Variants in GLYAT observed in about 807,000 individuals in gnomAD.
GLYAT encodes the protein glycine-N-acyltransferase.
In GLYAT, 25 loss-of-function variants were observed where a neutral mutation model predicts 22.8. The observed-to-expected ratio is 1.09, with a 90% confidence interval of 0.80 to 1.53. The LOEUF (loss-of-function observed/expected upper bound fraction) is 1.53. Among genes scored for constraint, GLYAT ranks in the 40% most tolerant of loss-of-function variants. The pLI is 0.00. For missense variants in GLYAT, 411 were observed against 353.9 expected, an observed-to-expected ratio of 1.16 and a Z score of -1.29; for synonymous variants, 140 against 122.7, an observed-to-expected ratio of 1.14 and a Z score of -0.93.
rs751815955 is a variant in GLYAT at position 58,724,487 on chromosome 11, G to T, written c.10C>A (p.Pro4Thr). Residue 4 changes from proline to threonine, a missense_variant, in exon 2 of 6, where the codon CCA becomes ACA. Physicochemically the swap from Pro to Thr is conservative, Grantham distance 38 (BLOSUM62 -1). Coordinates refer to ENST00000344743, the MANE Select transcript of GLYAT (RefSeq NM_201648.3). ...TGCAGCATCTGGGCACCTTGCAATG[G>T]TAACATCATGGAGGATACCTTAGCC... Reference protein sequence around the residue: MMLPLQGAQMLQML... With the variant: MMLTLQGAQMLQML... 8.1e-6 allele frequency: 13 copies of T among 1,600,442 alleles called. No individual in the cohort carries two copies. In the South Asian group the frequency reaches 1.4e-4, roughly 18 times the overall value.
At chr11:58,727,454 C>T (rs1240045098) in intron 1 of GLYAT, among the ~76,000 whole-genome samples, 2 of 152,138 alleles carry the variant, frequency 1.3e-5, no homozygotes, top group African/African-American at 4.8e-5. Flanking sequence ...CAGGGTGCAG[C>T]TTCTTGTGAA....
chr11:58,728,880 A>C (rs1373650869), intron 1 of GLYAT, among the ~76,000 whole-genome samples: 1 of 123,734 alleles, frequency 8.1e-6, no homozygotes, highest in Non-Finnish European at 1.7e-5. Flanking sequence ...GAAAGAAAGA[A>C]AGAAAGAAAG....
rs573953220 is a variant in GLYAT at position 58,710,342 on chromosome 11, G to A, written c.489-174C>T. ...AGAGTGAAGGTCAGAGCTGTTGGAG[G>A]AAGAAAGCAGGAAGGGCAATAAAGG... On this transcript the variant is annotated intron_variant, in intron 5 of 5. Coordinates refer to ENST00000344743, the MANE Select transcript of GLYAT (RefSeq NM_201648.3). 58 of 1,134,674 alleles carry A rather than the reference G, an allele frequency of 5.1e-5. No individual in the cohort carries two copies. The South Asian group carries it at 9.7e-4, about 19-fold the overall frequency. The allele number at this position is 1,134,674 out of a possible 1,614,324, so 70.3% of individuals were successfully genotyped here.
intron 4 of GLYAT, among the ~76,000 whole-genome samples, chr11:58,712,283 G>A (rs901678987): frequency 2.0e-5 from 3 of 152,024 alleles, no homozygotes; most frequent in Non-Finnish European, 2.9e-5. Flanking sequence ...TATATATGAG[G>A]AACATAATCT....
intron 1 of GLYAT, among the ~76,000 whole-genome samples, chr11:58,727,662 G>A (rs1404756180): frequency 1.3e-5 from 2 of 152,168 alleles, no homozygotes; most frequent in Non-Finnish European, 2.9e-5. Flanking sequence ...CCTAAAACTG[G>A]TGATCAGCAG....
chr11:58,711,589 G>C (rs1856617386), intron 4 of GLYAT, among the ~76,000 whole-genome samples: 1 of 152,122 alleles, frequency 6.6e-6, no homozygotes, highest in Non-Finnish European at 1.5e-5. Flanking sequence ...TATCTGCACT[G>C]GAACCAAGTT....
rs925292482 is a variant in GLYAT, at chr11:58,708,846, A to G, written c.*920T>C. The G allele has an allele frequency of 4.6e-5, 7 of 152,308 alleles. No homozygotes were observed. The highest frequency in any genetic ancestry group is 1.9e-4 in the East Asian group (1 of 5,178). 9.4% of individuals were successfully genotyped at this position (152,308 alleles called of 1,614,324 possible). On this transcript the variant is annotated 3_prime_UTR_variant, in exon 6 of 6. Coordinates refer to ENST00000344743, the MANE Select transcript of GLYAT (RefSeq NM_201648.3). ...ATTTATGAATTACCCAGTCTCAGGT[A>G]TTTTGTTACAGCAGGAACAAACTGA...
At chr11:58,728,221 C>A (rs986598268) in intron 1 of GLYAT, among the ~76,000 whole-genome samples, 2 of 151,968 alleles carry the variant, frequency 1.3e-5, no homozygotes, top group Non-Finnish European at 2.9e-5. Context: ...CAACACCACA[C>A]CCAAGTAATT....
At chr11:58,715,910 G>A (rs916010567) in intron 2 of GLYAT, among the ~76,000 whole-genome samples, 1 of 152,072 alleles carries the variant, frequency 6.6e-6, no homozygotes, top group African/African-American at 2.4e-5. Context: ...CTTTGCATGG[G>A]TACCTACCAT....
chr11:58,725,216 G>A (rs1399622633), intron 1 of GLYAT, among the ~76,000 whole-genome samples: 2 of 152,132 alleles, frequency 1.3e-5, no homozygotes, highest in African/African-American at 4.8e-5. Context: ...ACACTTTGAG[G>A]CTAATTCCAT....
chr11:58,731,493 C>A (rs942207030), intron 1 of GLYAT, among the ~76,000 whole-genome samples: 3 of 152,026 alleles, frequency 2.0e-5, no homozygotes, highest in Non-Finnish European at 4.4e-5. Context: ...TAACACAATA[C>A]GGGCACTTTA....
intron 1 of GLYAT, among the ~76,000 whole-genome samples, chr11:58,725,635 A>G (rs759263384): frequency 2.0e-5 from 3 of 152,176 alleles, no homozygotes; most frequent in Non-Finnish European, 4.4e-5. Context: ...AGAAGGAGAG[A>G]CCAAGGCAAG....
intron 1 of GLYAT, among the ~76,000 whole-genome samples, chr11:58,727,142 A>G (rs1856819434): frequency 6.6e-6 from 1 of 152,194 alleles, no homozygotes. Context: ...AAGCACTGGC[A>G]GAGCTGGGGT....
At chr11:58,726,977 C>G (rs1856817173) in intron 1 of GLYAT, among the ~76,000 whole-genome samples, 1 of 151,882 alleles carries the variant, frequency 6.6e-6, no homozygotes, top group South Asian at 2.1e-4. Context: ...TTCCCCTCCC[C>G]TTAAGAAGTG....
rs145083101 is a variant in GLYAT at position 58,722,058 on chromosome 11, C to G, written c.81+2358G>C. Reference sequence around the variant, plus strand: ...GAGGTTCCTCTTCAAAGAGACCTTCCTCCCCATCTAATTAGGAATAAATAA... The same window carrying G: ...GAGGTTCCTCTTCAAAGAGACCTTCGTCCCCATCTAATTAGGAATAAATAA... On this transcript the variant is annotated intron_variant, in intron 2 of 5. Transcript: ENST00000344743. Among the ~76,000 whole-genome samples, 369 of 152,124 alleles carry G rather than the reference C, an allele frequency of 2.4e-3. 7 individuals are homozygous for G. In the East Asian group the frequency reaches 0.035, roughly 15 times the overall value.
Position 58,715,330 on chromosome 11 carries a change from A to G in GLYAT, c.175T>C (p.Cys59Arg). 1 of 1,516,848 alleles carries G rather than the reference A, an allele frequency of 6.6e-7. No homozygotes were observed. Among genetic ancestry groups the G allele is most frequent in the South Asian group, 1.1e-5 (1 of 88,994 alleles). The allele number at this position is 1,516,848 out of a possible 1,614,324, so 94.0% of individuals were successfully genotyped here. ...KWPDFNTVVV[C>R]PQEQDMTDDL... ...TGGAAACTTACCTGCTCCTGAGGGCAGACAACCACTGTATTAAAATCAGGC... is the reference window on the plus strand; with the variant it reads ...TGGAAACTTACCTGCTCCTGAGGGCGGACAACCACTGTATTAAAATCAGGC... Residue 59 changes from cysteine to arginine, a missense_variant, in exon 3 of 6, where the codon TGC (cysteine) becomes CGC (arginine). Transcript: ENST00000344743.
At chr11:58,730,031 T>G (rs908128602) in intron 1 of GLYAT, among the ~76,000 whole-genome samples, 1 of 152,166 alleles carries the variant, frequency 6.6e-6, no homozygotes, top group Non-Finnish European at 1.5e-5. Context: ...CTACTGACAC[T>G]GAGGTTCTTC....
At chr11:58,710,306 G>A in intron 5 of GLYAT, 138 bp from the exon 6 acceptor site, 1 of 1,369,560 alleles carries the variant, frequency 7.3e-7, no homozygotes, top group Non-Finnish European at 9.6e-7. Context: ...AGCTTGTGAT[G>A]AAAGAGGAAC....
intron 3 of GLYAT, among the ~76,000 whole-genome samples, chr11:58,713,952 G>T (rs1396820630): frequency 6.6e-6 from 1 of 151,962 alleles, no homozygotes; most frequent in Non-Finnish European, 1.5e-5. Flanking sequence ...AATATGTTGT[G>T]TTGAAATATG....
Sources: gnomAD v4.1 joint callset for allele counts (sites outside exome capture counted in the v4.1 genomes callset) on GRCh38, gnomAD v4.1.1 for gene constraint, MANE v1.5 for transcripts, NCBI Gene and HGNC (gene_info 2026-07-23, HGNC 2026-07-21) for gene names.